PPIA: variants seen among roughly 807,000 people sequenced by gnomAD.
PPIA encodes the protein peptidyl-prolyl cis-trans isomerase A.
Under a neutral mutation model 15.3 loss-of-function variants are expected in PPIA, and 2 were observed. That is an observed-to-expected ratio of 0.13 (90% CI 0.05 to 0.41). The LOEUF (loss-of-function observed/expected upper bound fraction) is 0.41. Ranked by LOEUF, PPIA falls within the 10% of genes least tolerant of loss-of-function variation. The pLI is 0.99. For missense variants in PPIA, 103 were observed against 210.3 expected, an observed-to-expected ratio of 0.49 and a Z score of 3.16; for synonymous variants, 67 against 73.1, an observed-to-expected ratio of 0.92 and a Z score of 0.43.
intron 4 of PPIA, among the ~76,000 whole-genome samples, chr7:44,800,193 A>T (rs1792504996): frequency 6.6e-6 from 1 of 151,938 alleles, no homozygotes; most frequent in African/African-American, 2.4e-5. Flanking sequence ...GGTTCAAGCG[A>T]TTCTCCTGCC....
Position 44,801,642 on chromosome 7 carries a change from AGTTAAG to A in PPIA, c.*221_*226del, listed in dbSNP as rs1792565436. 22 of 417,910 alleles carry A rather than the reference AGTTAAG, an allele frequency of 5.3e-5. No individual in the cohort carries two copies. Among genetic ancestry groups the A allele is most frequent in the Non-Finnish European group, 9.2e-5 (21 of 228,966 alleles). 25.9% of individuals were successfully genotyped at this position (417,910 alleles called of 1,614,324 possible). On this transcript the variant is annotated 3_prime_UTR_variant, in exon 5 of 5. Coordinates refer to ENST00000468812, the MANE Select transcript of PPIA (RefSeq NM_021130.5). ...ACTAAATAACAATTGTCCTCGTTTG[AGTTAAG>A]AGTGTTGATGTAGGCTTTATTTTAA...
Position 44,801,763 on chromosome 7 carries a change from C to A in PPIA, c.*341C>A. ...TTTACTTTCCAGTCCCAGGAAGTGT[C>A]AATGTTTGTTGAGTGGAATATTGAA... On this transcript the variant is annotated 3_prime_UTR_variant, in exon 5 of 5. Coordinates refer to ENST00000468812, the MANE Select transcript of PPIA (RefSeq NM_021130.5). The A allele has an allele frequency of 4.6e-6, 1 of 218,630 alleles. No individual in the cohort carries two copies. The highest frequency in any genetic ancestry group is 9.1e-6 in the Non-Finnish European group (1 of 109,462). The allele number at this position is 218,630 out of a possible 1,614,324, so 13.5% of individuals were successfully genotyped here. A position where few individuals can be genotyped will look rare whatever the true frequency, so the allele number is the denominator to read the frequency against.
chr7:44,801,171 A>G (rs1451498678), intron 4 of PPIA, 116 bp from the exon 5 acceptor site: 2 of 1,196,362 alleles, frequency 1.7e-6, no homozygotes, highest in South Asian at 1.4e-5. Flanking sequence ...GACATTTAGT[A>G]CAAAAGGCTT....
intron 4 of PPIA, chr7:44,800,325 G>C (rs1792508013): frequency 5.9e-6 from 1 of 169,122 alleles, no homozygotes; most frequent in Non-Finnish European, 1.3e-5. Flanking sequence ...GTGACTTAAG[G>C]TGAACCACCT....
intron 4 of PPIA, among the ~76,000 whole-genome samples, chr7:44,800,849 GCT>G (rs1324208749): frequency 6.6e-6 from 1 of 151,624 alleles, no homozygotes; most frequent in Non-Finnish European, 1.5e-5. Flanking sequence ...ATGGAGTTTC[GCT>G]CTGTCGCCCA....
intron 4 of PPIA, 26 bp downstream of exon 4, chr7:44,799,900 C>G: frequency 6.2e-7 from 1 of 1,601,732 alleles, no homozygotes; most frequent in Non-Finnish European, 8.5e-7. Context: ...GGCACACTAA[C>G]CACCTGACTA....
At chr7:44,800,255 AT>A (rs1792506263) in intron 4 of PPIA, among the ~76,000 whole-genome samples, 1 of 151,986 alleles carries the variant, frequency 6.6e-6, no homozygotes, top group Non-Finnish European at 1.5e-5. Flanking sequence ...TGCCTGGCTA[AT>A]TTTTTGTATT....
chr7:44,800,398 CTTTTT>C, intron 4 of PPIA: 1 of 141,302 alleles, frequency 7.1e-6, no homozygotes, highest in Non-Finnish European at 1.5e-5. Flanking sequence ...CAATTAAGTG[CTTTTT>C]TTTTTTTTTT....
chr7:44,800,023 A>C, intron 4 of PPIA, 149 bp downstream of exon 4: 2 of 776,800 alleles, frequency 2.6e-6, no homozygotes, highest in Non-Finnish European at 4.1e-6. Flanking sequence ...TAAACGACAA[A>C]TATAGCCAAT....
In PPIA at chr7:44,796,812, T is replaced by G. The variant is rs753532129; in HGVS notation, c.69+19T>G. On this transcript the variant is annotated intron_variant, in intron 1 of 4. Transcript: ENST00000468812. The stretch of plus-strand genomic sequence containing the variant: ...CTTTGAGGTCGGGCGGGCGGCGGCG[T>G]GCGGGAATGGGGCCCAGAAAGTGGG... 4 of 1,595,178 alleles carry G rather than the reference T, an allele frequency of 2.5e-6. No homozygotes were observed. Among genetic ancestry groups the G allele is most frequent in the East Asian group, 2.3e-5 (1 of 42,594 alleles).
chr7:44,801,038 C>T (rs1285374387), intron 4 of PPIA, among the ~76,000 whole-genome samples: 1 of 151,574 alleles, frequency 6.6e-6, no homozygotes, highest in Non-Finnish European at 1.5e-5. Context: ...AGGATGGTCT[C>T]GATCTCCTGA....
chr7:44,799,800 C>T lies in PPIA; in HGVS notation c.288C>T (p.Gly96=). The T allele has an allele frequency of 6.2e-7, 1 of 1,613,738 alleles. No homozygotes were observed. The highest frequency in any genetic ancestry group is 8.5e-7 in the Non-Finnish European group (1 of 1,179,960). The change falls in exon 4 of 5, where the codon GGC becomes GGT. Residue 96 remains glycine (G), a synonymous_variant. Transcript: ENST00000468812. Reference sequence around the variant, plus strand: ...TCATCCTAAAGCATACGGGTCCTGGCATCTTGTCCATGGCAAATGCTGGAC... The same window carrying T: ...TCATCCTAAAGCATACGGGTCCTGGTATCTTGTCCATGGCAAATGCTGGAC... ...ENFILKHTGP[G]ILSMANAGPN...
Position 44,799,888 on chromosome 7 carries a change from A to G in PPIA, c.362+14A>G, listed in dbSNP as rs1247734520. 4 of 1,606,822 alleles carry G rather than the reference A, an allele frequency of 2.5e-6. No homozygotes were observed. Among genetic ancestry groups the G allele is most frequent in the African/African-American group, 2.7e-5 (2 of 74,910 alleles). On this transcript the variant is annotated intron_variant, in intron 4 of 4. Transcript: ENST00000468812. ...CAAGACTGAGTGGTAAGGGTACAAC[A>G]TGGCACACTAACCACCTGACTAAAT...
intron 1 of PPIA, among the ~76,000 whole-genome samples, chr7:44,797,220 C>T (rs1792401356): frequency 6.6e-6 from 1 of 152,190 alleles, no homozygotes; most frequent in African/African-American, 2.4e-5. Context: ...AAGCTGTCCC[C>T]TGGCAGGCAT....
chr7:44,799,306 A>G lies in PPIA; in HGVS notation c.100+29A>G, dbSNP rs747025343. 8 of 1,612,790 alleles carry G rather than the reference A, an allele frequency of 5.0e-6. No homozygotes were observed. In the East Asian group the frequency reaches 8.9e-5, roughly 18 times the overall value. On this transcript the variant is annotated intron_variant, in intron 2 of 4. Transcript: ENST00000468812. The stretch of plus-strand genomic sequence containing the variant: ...GGTCCATTTTCTAAGTTTAACAAAG[A>G]TGTTCCAATTGTGACAGTTTGTGTG...
In PPIA at chr7:44,801,508, C is replaced by T. The variant is rs1200608074; in HGVS notation, c.*86C>T. The T allele has an allele frequency of 9.9e-7, 1 of 1,010,986 alleles. No individual in the cohort carries two copies. The highest frequency in any genetic ancestry group is 1.5e-5 in the South Asian group (1 of 65,872). 62.6% of individuals were successfully genotyped at this position (1,010,986 alleles called of 1,614,324 possible). A position where few individuals can be genotyped will look rare whatever the true frequency, so the allele number is the denominator to read the frequency against. ...CCTCCACCCCATTTGCTCGCAGTAT[C>T]CTAGAATCTTTGTGCTCTCGCTGCA... On this transcript the variant is annotated 3_prime_UTR_variant, in exon 5 of 5. Coordinates refer to ENST00000468812, the MANE Select transcript of PPIA (RefSeq NM_021130.5).
intron 1 of PPIA, among the ~76,000 whole-genome samples, chr7:44,797,031 G>T (rs1792391199): frequency 6.6e-6 from 1 of 152,114 alleles, no homozygotes; most frequent in Non-Finnish European, 1.5e-5. Context: ...TTGGGGGAGG[G>T]GGCCCGCGTC....
Position 44,801,501 on chromosome 7 carries a change from G to A in PPIA, c.*79G>A, listed in dbSNP as rs549994697. 1.5e-5 allele frequency: 17 copies of A among 1,125,078 alleles called. No homozygotes were observed. Among genetic ancestry groups the A allele is most frequent in the South Asian group, 1.2e-4 (9 of 72,642 alleles). 69.7% of individuals were successfully genotyped at this position (1,125,078 alleles called of 1,614,324 possible). A position where few individuals can be genotyped will look rare whatever the true frequency, so the allele number is the denominator to read the frequency against. On this transcript the variant is annotated 3_prime_UTR_variant, in exon 5 of 5. Coordinates refer to ENST00000468812, the MANE Select transcript of PPIA (RefSeq NM_021130.5). ...GAGCACCCCTCCACCCCATTTGCTC[G>A]CAGTATCCTAGAATCTTTGTGCTCT...
rs369225394 is a variant in PPIA, at chr7:44,796,697, C to T, written c.-28C>T. On this transcript the variant is annotated 5_prime_UTR_variant, in exon 1 of 5. Coordinates refer to ENST00000468812, the MANE Select transcript of PPIA (RefSeq NM_021130.5). ...GCTCGTGCCGTTTTGCAGACGCCAC[C>T]GCCGAGGAAAACCGTGTACTATTAG... 3.1e-6 allele frequency: 5 copies of T among 1,607,328 alleles called. No homozygotes were observed. The East Asian group carries it at 1.1e-4, about 36-fold the overall frequency.
Sources: gnomAD v4.1 joint callset for allele counts (sites outside exome capture counted in the v4.1 genomes callset) on GRCh38, gnomAD v4.1.1 for gene constraint, MANE v1.5 for transcripts, NCBI Gene and HGNC (gene_info 2026-07-23, HGNC 2026-07-21) for gene names.